ST6GAL2: variants seen among roughly 807,000 people sequenced by gnomAD.
ST6GAL2 encodes the protein beta-galactoside alpha-2,6-sialyltransferase 2.
A neutral mutation model predicts 37.5 loss-of-function variants in ST6GAL2; 24 were observed. That is an observed-to-expected ratio of 0.64 (90% CI 0.46 to 0.90). The LOEUF (loss-of-function observed/expected upper bound fraction) is 0.90. Ranked by LOEUF, ST6GAL2 falls within the 40% of genes least tolerant of loss-of-function variation. ST6GAL2 has a pLI of 0.00. For synonymous variants in ST6GAL2, 306 were observed against 295.1 expected (o/e 1.04, Z -0.38); for missense variants, 715 against 712.7 (o/e 1.00, Z -0.04).
chr2:106,854,489 T>C (rs1316388861), intron 1 of ST6GAL2, among the ~76,000 whole-genome samples: 1 of 152,236 alleles, frequency 6.6e-6, no homozygotes, highest in African/African-American at 2.4e-5. Flanking sequence ...TCTATATTAG[T>C]GTATTGTATT....
At chr2:106,873,343 T>C (rs551714663) in intron 1 of ST6GAL2, among the ~76,000 whole-genome samples, 10 of 152,204 alleles carry the variant, frequency 6.6e-5, no homozygotes, top group Non-Finnish European at 8.8e-5. Flanking sequence ...TAATTCTTCA[T>C]GGACAACTGA....
intron 5 of ST6GAL2, among the ~76,000 whole-genome samples, chr2:106,815,978 G>A (rs1675787820): frequency 6.6e-6 from 1 of 152,184 alleles, no homozygotes; most frequent in African/African-American, 2.4e-5. Flanking sequence ...GCTTCACAGT[G>A]AGGGAGCCTT....
At chr2:106,863,657 G>C (rs1437361155) in intron 1 of ST6GAL2, among the ~76,000 whole-genome samples, 1 of 152,132 alleles carries the variant, frequency 6.6e-6, no homozygotes, top group Non-Finnish European at 1.5e-5. Flanking sequence ...GTTTGCTAAA[G>C]GTAGGACCTG....
At chr2:106,808,657 A>T (rs1216388607) in intron 5 of ST6GAL2, among the ~76,000 whole-genome samples, 2 of 152,194 alleles carry the variant, frequency 1.3e-5, no homozygotes, top group Non-Finnish European at 2.9e-5. Context: ...GTCTGCACCC[A>T]TGGAGAAACA....
intron 1 of ST6GAL2, among the ~76,000 whole-genome samples, chr2:106,882,737 AG>A (rs1198244927): frequency 1.2e-4 from 19 of 152,164 alleles, no homozygotes; most frequent in African/African-American, 4.3e-4. Context: ...TTGCTCTCTA[AG>A]AAAGTCCAGT....
chr2:106,816,860 C>T (rs1325609771), intron 5 of ST6GAL2, among the ~76,000 whole-genome samples: 1 of 152,180 alleles, frequency 6.6e-6, no homozygotes, highest in Admixed American at 6.5e-5. Flanking sequence ...CTTGCCAACA[C>T]CGTGCCTCCT....
At chr2:106,835,829 A>G (rs1394171938) in intron 2 of ST6GAL2, among the ~76,000 whole-genome samples, 3 of 152,252 alleles carry the variant, frequency 2.0e-5, no homozygotes, top group African/African-American at 7.2e-5. Context: ...ATGCCAAAAT[A>G]CATGAATGCC....
In ST6GAL2 at chr2:106,856,814, G is replaced by GA. The variant is rs575983068; in HGVS notation, c.-57-12781dup. On this transcript the variant is annotated intron_variant, in intron 1 of 5. Transcript: ENST00000409382. The stretch of plus-strand genomic sequence containing the variant: ...TCCCAGTGTTGTTGAAAATAACCAA[G>GA]AAAAAATGCATTGGCAAGAACATTT... 5.6e-3 allele frequency among the ~76,000 whole-genome samples: 852 copies of GA among 152,196 alleles called. 6 individuals are homozygous for GA. The highest frequency in any genetic ancestry group is 0.019 in the African/African-American group (773 of 41,540).
At chr2:106,872,654 G>C (rs889812509) in intron 1 of ST6GAL2, among the ~76,000 whole-genome samples, 1 of 143,058 alleles carries the variant, frequency 7.0e-6, no homozygotes, top group East Asian at 2.1e-4. Flanking sequence ...TCGTCACCCA[G>C]GGTGGAGTGC....
chr2:106,825,800 G>T (rs1676178623), intron 5 of ST6GAL2, among the ~76,000 whole-genome samples: 1 of 152,140 alleles, frequency 6.6e-6, no homozygotes, highest in African/African-American at 2.4e-5. Flanking sequence ...ACCCTTGTCT[G>T]GTTTCTTCAC....
At chr2:106,873,893 T>C (rs980882972) in intron 1 of ST6GAL2, among the ~76,000 whole-genome samples, 2 of 152,222 alleles carry the variant, frequency 1.3e-5, no homozygotes, top group African/African-American at 4.8e-5. Flanking sequence ...TGTTTATAAA[T>C]AGATCACTAG....
At chr2:106,861,547 G>A (rs1381471979) in intron 1 of ST6GAL2, among the ~76,000 whole-genome samples, 1 of 152,072 alleles carries the variant, frequency 6.6e-6, no homozygotes, top group Non-Finnish European at 1.5e-5. Context: ...AATAACTGGT[G>A]AAGTCTTCAT....
At chr2:106,874,976 C>G (rs1342418421) in intron 1 of ST6GAL2, among the ~76,000 whole-genome samples, 1 of 152,132 alleles carries the variant, frequency 6.6e-6, no homozygotes, top group Non-Finnish European at 1.5e-5. Context: ...CAAATGGTAC[C>G]ATTTACATCT....
chr2:106,829,510 G>A (rs1676330315), intron 5 of ST6GAL2, among the ~76,000 whole-genome samples: 1 of 152,178 alleles, frequency 6.6e-6, no homozygotes, highest in Non-Finnish European at 1.5e-5. Flanking sequence ...CTGGATGGAT[G>A]TGGGAGTGAA....
At chr2:106,872,314 A>C (rs1449415294) in intron 1 of ST6GAL2, among the ~76,000 whole-genome samples, 1 of 152,188 alleles carries the variant, frequency 6.6e-6, no homozygotes, top group Non-Finnish European at 1.5e-5. Context: ...CCAGGGCCAA[A>C]CCTGAGTTTG....
chr2:106,834,865 C>T (rs1463306048), intron 2 of ST6GAL2: 1 of 152,176 alleles, frequency 6.6e-6, no homozygotes, highest in African/African-American at 2.4e-5. Context: ...CCGTGCTTCA[C>T]CAAACTTGAA....
chr2:106,862,624 GAA>G (rs200909517), intron 1 of ST6GAL2, among the ~76,000 whole-genome samples: 1 of 146,322 alleles, frequency 6.8e-6, no homozygotes, highest in East Asian at 2.0e-4. Flanking sequence ...ATTATGTGAA[GAA>G]AAAAAAAAAG....
chr2:106,868,312 C>A (rs1678119413), intron 1 of ST6GAL2, among the ~76,000 whole-genome samples: 2 of 152,092 alleles, frequency 1.3e-5, no homozygotes, highest in South Asian at 4.1e-4. Context: ...ATACAAATCC[C>A]CGGCAAGGTG....
chr2:106,810,992 A>G (rs1180192596), intron 5 of ST6GAL2, among the ~76,000 whole-genome samples: 1 of 152,108 alleles, frequency 6.6e-6, no homozygotes, highest in Non-Finnish European at 1.5e-5. Context: ...TAATAATAAA[A>G]CTGTGTAATG....
Sources: allele counts gnomAD v4.1 joint callset (sites outside exome capture counted in the v4.1 genomes callset), GRCh38; gene constraint gnomAD v4.1.1; transcripts MANE v1.5; gene names NCBI Gene and HGNC (gene_info 2026-07-23, HGNC 2026-07-21).